LRRC9: variants seen among roughly 807,000 people sequenced by gnomAD.
LRRC9 encodes the protein leucine-rich repeat-containing protein 9.
A neutral mutation model predicts 63.2 loss-of-function variants in LRRC9; 122 were observed. The observed-to-expected ratio is 1.93, with a 90% CI of 1.67 to 2.24. The LOEUF is 2.24. Among genes scored for constraint, LRRC9 ranks in the 30% most tolerant of loss-of-function variants. The probability of loss-of-function intolerance (pLI) is 0.00; values close to 1 mark genes in which losing one functional copy is unlikely to be tolerated. For synonymous variants in LRRC9, 366 were observed against 213.1 expected (o/e 1.72, Z -6.25); for missense variants, 1,071 against 627.7 (o/e 1.71, Z -7.55).
At chr14:60,029,114 T>C (rs1190335937) in intron 28 of LRRC9, among the ~76,000 whole-genome samples, 3 of 152,178 alleles carry the variant, frequency 2.0e-5, no homozygotes, top group African/African-American at 7.2e-5. Context: ...TCCTAAGATT[T>C]ATCCAGAAGA....
intron 12 of LRRC9, among the ~76,000 whole-genome samples, chr14:59,972,502 G>A (rs1254953036): frequency 6.6e-6 from 1 of 152,024 alleles, no homozygotes; most frequent in African/African-American, 2.4e-5. Flanking sequence ...AGTTGAGCAT[G>A]CACTTAAAGA....
At chr14:59,995,160 T>C (rs537707250) in intron 17 of LRRC9, among the ~76,000 whole-genome samples, 57 of 152,300 alleles carry the variant, frequency 3.7e-4, no homozygotes, top group African/African-American at 1.3e-3. Context: ...TATAGTTGTA[T>C]GGAATTTTTC....
chr14:60,024,784 T>C (rs542897486), intron 27 of LRRC9, among the ~76,000 whole-genome samples: 2 of 152,164 alleles, frequency 1.3e-5, no homozygotes, highest in Admixed American at 1.3e-4. Context: ...AAATAATGAA[T>C]ATAGTATCCA....
intron 19 of LRRC9, among the ~76,000 whole-genome samples, chr14:60,001,107 G>A (rs1889319334): frequency 6.6e-6 from 1 of 152,106 alleles, no homozygotes; most frequent in Non-Finnish European, 1.5e-5. Context: ...GCAAGAATAT[G>A]AAGTAAAAGT....
intron 18 of LRRC9, among the ~76,000 whole-genome samples, chr14:59,998,415 T>G (rs1889020656): frequency 6.6e-6 from 1 of 152,050 alleles, no homozygotes; most frequent in African/African-American, 2.4e-5. Flanking sequence ...ACATTATTTT[T>G]TCTCATTACA....
At chr14:59,998,984 T>A in intron 18 of LRRC9, 117 bp from the exon 19 acceptor site, 1 of 482,124 alleles carries the variant, frequency 2.1e-6, no homozygotes, top group South Asian at 4.1e-5. Context: ...TTTAGGTATA[T>A]GTAATGAACA....
chr14:60,034,019 T>TTC (rs33985732), intron 29 of LRRC9, among the ~76,000 whole-genome samples: 10 of 14,200 alleles, frequency 7.0e-4, no homozygotes, highest in African/African-American at 1.1e-3. Context: ...TTCTTTCTTT[T>TTC]TTTTTTTTTT....
chr14:60,012,477 A>G (rs1266614954), intron 23 of LRRC9, among the ~76,000 whole-genome samples: 2 of 152,194 alleles, frequency 1.3e-5, no homozygotes, highest in Non-Finnish European at 2.9e-5. Context: ...TGCATTAAGG[A>G]TACATATTCT....
chr14:59,921,346 T>C (rs1888759667), intron 1 of LRRC9, among the ~76,000 whole-genome samples: 1 of 152,048 alleles, frequency 6.6e-6, no homozygotes, highest in Non-Finnish European at 1.5e-5. Flanking sequence ...CAGGAGGCTG[T>C]CACAGTAGTG....
At chr14:60,026,120 C>A (rs1322665055) in intron 27 of LRRC9, among the ~76,000 whole-genome samples, 2 of 151,836 alleles carry the variant, frequency 1.3e-5, no homozygotes, top group Non-Finnish European at 2.9e-5. Context: ...CAAGTCAGGA[C>A]TAGAGATACA....
chr14:59,947,334 G>A (rs1158828966), intron 8 of LRRC9, among the ~76,000 whole-genome samples: 224 of 106,824 alleles, frequency 2.1e-3, no homozygotes, highest in African/African-American at 8.0e-3. Context: ...CATGTCCTTC[G>A]CCCACTTTTT....
intron 23 of LRRC9, among the ~76,000 whole-genome samples, chr14:60,014,899 A>T (rs1480876306): frequency 6.6e-6 from 1 of 151,906 alleles, no homozygotes; most frequent in Non-Finnish European, 1.5e-5. Context: ...AGTGATACTA[A>T]TATTAAATCT....
intron 21 of LRRC9, among the ~76,000 whole-genome samples, chr14:60,005,785 T>C (rs959197221): frequency 1.3e-5 from 2 of 152,130 alleles, no homozygotes; most frequent in Admixed American, 6.5e-5. Flanking sequence ...CTAGTAGTGA[T>C]ATATTTGAAG....
In LRRC9 at chr14:59,960,963, G is replaced by A. The variant is rs545165091; in HGVS notation, c.1129G>A (p.Gly377Ser). Residue 377 changes from glycine (G) to serine (S), a missense_variant, in exon 10 of 32, where the codon GGC becomes AGC. Physicochemically the swap from Gly to Ser is moderately conservative, Grantham distance 56 (BLOSUM62 0). Transcript: ENST00000445360. ...AGTAAAACAAAAGAAGAAAAGTCAT[G>A]GCTTATTGATCCCACTTTTGTTAAT... 5 of 694,550 alleles carry A rather than the reference G, an allele frequency of 7.2e-6. No individual in the cohort carries two copies. The South Asian group carries it at 7.7e-5, about 11-fold the overall frequency. 43.0% of individuals were successfully genotyped at this position (694,550 alleles called of 1,614,324 possible). A position where few individuals can be genotyped will look rare whatever the true frequency, so the allele number is the denominator to read the frequency against.
At chr14:59,933,933 G>C (rs910563716) in intron 6 of LRRC9, among the ~76,000 whole-genome samples, 1 of 152,072 alleles carries the variant, frequency 6.6e-6, no homozygotes, top group Non-Finnish European at 1.5e-5. Flanking sequence ...ATTGGGTCTC[G>C]AATATAGACT....
rs865965299 is a variant in LRRC9 at position 60,037,165 on chromosome 14, A to T, written c.3990+5102A>T. 3.3e-5 allele frequency among the ~76,000 whole-genome samples: 5 copies of T among 152,216 alleles called. No homozygotes were observed. In the East Asian group the frequency reaches 7.7e-4, roughly 23 times the overall value. ...CACATTTTCTTAATCCAGTCTATCAATGATGGACATTCGGGTTGGTTCCAA... is the reference window on the plus strand; with the variant it reads ...CACATTTTCTTAATCCAGTCTATCATTGATGGACATTCGGGTTGGTTCCAA... On this transcript the variant is annotated intron_variant, in intron 29 of 31. Coordinates refer to ENST00000445360, the Ensembl canonical transcript of LRRC9.
Position 60,051,718 on chromosome 14 carries a change from G to A in LRRC9, c.3991-1347G>A, listed in dbSNP as rs12590055. On this transcript the variant is annotated intron_variant, in intron 29 of 31. Coordinates refer to ENST00000445360, the Ensembl canonical transcript of LRRC9. This position sits in a 1 kb window ranked among gnomAD's most constrained non-coding sequence, Gnocchi z 4.7. ...AGATCTACTGCCTTGCCAGAATCCC[G>A]GCGCTGGAGTATATAAAACTTCTGG... Among the ~76,000 whole-genome samples the A allele has an allele frequency of 2.4e-3, 367 of 152,298 alleles. 5 individuals are homozygous for A. Among genetic ancestry groups the A allele is most frequent in the East Asian group, 0.021 (110 of 5,178 alleles).
chr14:59,926,477 C>G (rs1161289617), intron 1 of LRRC9, among the ~76,000 whole-genome samples: 1 of 152,078 alleles, frequency 6.6e-6, no homozygotes, highest in Non-Finnish European at 1.5e-5. Flanking sequence ...AGTAGAATTT[C>G]ATTGAAGTAT....
At position 60,039,828 on chromosome 14, in the gene LRRC9, C is replaced by T. The variant is rs541955205; in HGVS notation, c.3990+7765C>T. 3.0e-3 allele frequency among the ~76,000 whole-genome samples: 451 copies of T among 152,176 alleles called. 4 individuals are homozygous for T. Among genetic ancestry groups the T allele is most frequent in the African/African-American group, 0.01 (432 of 41,502 alleles). On this transcript the variant is annotated intron_variant, in intron 29 of 31. Coordinates refer to ENST00000445360, the Ensembl canonical transcript of LRRC9. ...TAGCTTTTGAACGTGTTTGCTCTTG[C>T]TTCTCTCGTTCTTTTAATTGTGATG...
Sources: gnomAD v4.1 joint callset for allele counts (sites outside exome capture counted in the v4.1 genomes callset) on GRCh38, gnomAD v4.1.1 for gene constraint, Gnocchi (gnomAD v3.1) non-coding constraint, MANE v1.5 for transcripts, NCBI Gene and HGNC (gene_info 2026-07-23, HGNC 2026-07-21) for gene names.